Variants in KIRREL3 observed in about 807,000 individuals in gnomAD.
The protein encoded by KIRREL3 is kin of IRRE-like protein 3.
A neutral mutation model predicts 89.7 loss-of-function variants in KIRREL3; 36 were observed. That is an observed-to-expected ratio of 0.40 (90% CI 0.31 to 0.53). The LOEUF is 0.53. KIRREL3 is among the 20% of genes least tolerant of loss of function. The pLI is 0.49. For missense variants in KIRREL3, 864 were observed against 1,056.6 expected (o/e 0.82, Z 2.53); for synonymous variants, 445 against 441.4 (o/e 1.01, Z -0.10).
At chr11:126,935,620 CAATCTG>C (rs1310290337) in intron 1 of KIRREL3, 2 of 152,040 alleles carry the variant, frequency 1.3e-5, no homozygotes, top group African/African-American at 4.8e-5. Context: ...TGAAAGAAGC[CAATCTG>C]AAAAGGCTAC....
rs1045686212 is a variant in KIRREL3, at chr11:126,471,083, C to T, written c.591+2226G>A. ...GTTGAAAAGACAGTTTGCGGCCGGG[C>T]GCAGTGGCTCAGTCCTGTAATCCCA... On this transcript the variant is annotated intron_variant, in intron 5 of 16. Coordinates refer to ENST00000525144, the MANE Select transcript of KIRREL3 (RefSeq NM_032531.4). The surrounding 1 kb of genome is among the most constrained non-coding windows in gnomAD (Gnocchi z 5.4). Among the ~76,000 whole-genome samples, 5 of 152,210 alleles carry T rather than the reference C, an allele frequency of 3.3e-5. No individual in the cohort carries two copies. Among genetic ancestry groups the T allele is most frequent in the Non-Finnish European group, 7.4e-5 (5 of 68,022 alleles).
chr11:126,437,278 C>A (rs1281218885), intron 11 of KIRREL3, among the ~76,000 whole-genome samples: 1 of 152,194 alleles, frequency 6.6e-6, no homozygotes, highest in Non-Finnish European at 1.5e-5. Flanking sequence ...ACACACAACA[C>A]ACAAACACAT....
intron 1 of KIRREL3, among the ~76,000 whole-genome samples, chr11:126,824,205 C>G (rs1282925551): frequency 6.6e-6 from 1 of 152,170 alleles, no homozygotes; most frequent in African/African-American, 2.4e-5. Context: ...CCCCAGGCAT[C>G]CCAGCAGGAG....
rs1423929711 is a variant in KIRREL3, at chr11:126,491,684, GTTTTTCTT to G, written c.434-18226_434-18219del. On this transcript the variant is annotated intron_variant, in intron 4 of 16. Transcript: ENST00000525144. The surrounding 1 kb of genome is among the most constrained non-coding windows in gnomAD (Gnocchi z 5.5). ...GTGCTCCCCACACACAGATTTGGAT[GTTTTTCTT>G]TTTTTCTTTTTTCTTTTTTTTTATA... Among the ~76,000 whole-genome samples, 2 of 152,002 alleles carry G rather than the reference GTTTTTCTT, an allele frequency of 1.3e-5. No homozygotes were observed. Among genetic ancestry groups the G allele is most frequent in the East Asian group, 1.9e-4 (1 of 5,178 alleles).
rs1317412410 is a variant in KIRREL3 at position 126,904,205 on chromosome 11, A to G, written c.55+96250T>C. 6.6e-6 allele frequency among the ~76,000 whole-genome samples: 1 copy of G among 152,184 alleles called. No individual in the cohort carries two copies. Among genetic ancestry groups the G allele is most frequent in the Non-Finnish European group, 1.5e-5 (1 of 68,028 alleles). On this transcript the variant is annotated intron_variant, in intron 1 of 16. Coordinates refer to ENST00000525144, the MANE Select transcript of KIRREL3 (RefSeq NM_032531.4). This position sits in a 1 kb window ranked among gnomAD's most constrained non-coding sequence, Gnocchi z 4.4. ...ACACACAGGTAAAGTTTTCAGGACT[A>G]TTTTTATCATTTGGACACCGAACTT...
At chr11:126,680,415 T>TATATATATATATATAC in intron 1 of KIRREL3, among the ~76,000 whole-genome samples, 2 of 151,596 alleles carry the variant, frequency 1.3e-5, no homozygotes, top group African/African-American at 4.9e-5. Context: ...TATATATATA[T>TATATATATATATATAC]ACACATAGCC....
chr11:126,480,413 A>G (rs923533044), intron 4 of KIRREL3, among the ~76,000 whole-genome samples: 2 of 152,160 alleles, frequency 1.3e-5, no homozygotes, highest in African/African-American at 4.8e-5. Context: ...TTTATTCTCA[A>G]TATCTTTTGA....
chr11:126,509,580 C>T (rs1307080507), intron 4 of KIRREL3, among the ~76,000 whole-genome samples: 1 of 152,208 alleles, frequency 6.6e-6, no homozygotes, highest in African/African-American at 2.4e-5. Context: ...CCATGATGGA[C>T]CCAGATTTTG....
rs1044921189 is a variant in KIRREL3 at position 126,578,669 on chromosome 11, C to T, written c.56-15757G>A. Among the ~76,000 whole-genome samples, 11 of 152,090 alleles carry T rather than the reference C, an allele frequency of 7.2e-5. No homozygotes were observed. The highest frequency in any genetic ancestry group is 1.3e-4 in the Non-Finnish European group (9 of 68,020). On this transcript the variant is annotated intron_variant, in intron 1 of 16. Coordinates refer to ENST00000525144, the MANE Select transcript of KIRREL3 (RefSeq NM_032531.4). The surrounding 1 kb of genome is among the most constrained non-coding windows in gnomAD (Gnocchi z 4.9). Reference sequence around the variant, plus strand: ...GAGGGACTCAGAATCCGCCTCACACCCATGGAGAGTTCTCGCAATGGGTAT... The same window carrying T: ...GAGGGACTCAGAATCCGCCTCACACTCATGGAGAGTTCTCGCAATGGGTAT...
chr11:126,937,707 G>T (rs368276759), intron 1 of KIRREL3, among the ~76,000 whole-genome samples: 1 of 151,852 alleles, frequency 6.6e-6, no homozygotes. Context: ...AGACCATCCT[G>T]GCTAACACAG....
intron 4 of KIRREL3, among the ~76,000 whole-genome samples, chr11:126,514,362 A>C (rs1958334234): frequency 6.6e-6 from 1 of 152,142 alleles, no homozygotes; most frequent in African/African-American, 2.4e-5. Context: ...CAGATAAGGA[A>C]ATCAATTCTG....
In KIRREL3 at chr11:126,495,819, C is replaced by T. The variant is rs75903530; in HGVS notation, c.434-22353G>A. Among the ~76,000 whole-genome samples the T allele has an allele frequency of 4.9e-4, 75 of 152,340 alleles. 1 individual carries two copies. In the East Asian group the frequency reaches 0.014, roughly 29 times the overall value. ...AGGATCAGGACACTGGGACTCTAGTCCTGACACTCAGCAAATGGCAACTGC... is the reference window on the plus strand; with the variant it reads ...AGGATCAGGACACTGGGACTCTAGTTCTGACACTCAGCAAATGGCAACTGC... On this transcript the variant is annotated intron_variant, in intron 4 of 16. Coordinates refer to ENST00000525144, the MANE Select transcript of KIRREL3 (RefSeq NM_032531.4). This position sits in a 1 kb window ranked among gnomAD's most constrained non-coding sequence, Gnocchi z 6.5.
At chr11:126,841,738 C>T (rs781313710) in intron 1 of KIRREL3, among the ~76,000 whole-genome samples, 4 of 152,240 alleles carry the variant, frequency 2.6e-5, no homozygotes, top group Non-Finnish European at 5.9e-5. Flanking sequence ...CCTACAGCGT[C>T]ATCTTCATCA....
At chr11:126,625,872 C>G (rs963605514) in intron 1 of KIRREL3, among the ~76,000 whole-genome samples, 1 of 152,236 alleles carries the variant, frequency 6.6e-6, no homozygotes, top group Non-Finnish European at 1.5e-5. Flanking sequence ...CAGAACACTG[C>G]TTATCCCTTT....
intron 1 of KIRREL3, among the ~76,000 whole-genome samples, chr11:126,966,843 GCA>G (rs1465251743): frequency 3.9e-5 from 6 of 152,180 alleles, no homozygotes; most frequent in Admixed American, 3.3e-4. Context: ...AAAACAATCA[GCA>G]CACTTTCTGA....
chr11:126,709,156 G>A lies in KIRREL3; in HGVS notation c.56-146244C>T, dbSNP rs1947657978. ...GCTTGTTTCATTTAATACCGTCAAC[G>A]ACCATATAAAGTGTGTTTGATTATC... is the stretch of plus-strand genomic sequence containing the variant. On this transcript the variant is annotated intron_variant, in intron 1 of 16. Coordinates refer to ENST00000525144, the MANE Select transcript of KIRREL3 (RefSeq NM_032531.4). This position sits in a 1 kb window ranked among gnomAD's most constrained non-coding sequence, Gnocchi z 4.0. 6.6e-6 allele frequency among the ~76,000 whole-genome samples: 1 copy of A among 152,186 alleles called. No homozygotes were observed. The highest frequency in any genetic ancestry group is 3.2e-3 in the Middle Eastern group (1 of 316).
intron 1 of KIRREL3, among the ~76,000 whole-genome samples, chr11:126,800,997 A>G (rs1951014867): frequency 6.6e-6 from 1 of 152,198 alleles, no homozygotes; most frequent in South Asian, 2.1e-4. Flanking sequence ...ACACTGCTTT[A>G]GCAGCTGATA....
chr11:126,548,237 G>T (rs1938972201), intron 2 of KIRREL3, among the ~76,000 whole-genome samples: 1 of 152,126 alleles, frequency 6.6e-6, no homozygotes, highest in African/African-American at 2.4e-5. Flanking sequence ...GAAGTTCTCT[G>T]CAGGCTGCTG....
rs2134673379 is a variant in KIRREL3 at position 126,872,383 on chromosome 11, G to A, written c.55+128072C>T. 6.6e-6 allele frequency among the ~76,000 whole-genome samples: 1 copy of A among 152,288 alleles called. No individual in the cohort carries two copies. The highest frequency in any genetic ancestry group is 2.4e-5 in the African/African-American group (1 of 41,558). On this transcript the variant is annotated intron_variant, in intron 1 of 16. Transcript: ENST00000525144. This position sits in a 1 kb window ranked among gnomAD's most constrained non-coding sequence, Gnocchi z 4.2. The stretch of plus-strand genomic sequence containing the variant: ...CAGCAGCCCATATGCTGCTATTCTG[G>A]GCATGGGCACGGGGCTTATGGGGTA...
Sources: allele counts gnomAD v4.1 joint callset (sites outside exome capture counted in the v4.1 genomes callset), GRCh38; gene constraint gnomAD v4.1.1; non-coding constraint Gnocchi (gnomAD v3.1); transcripts MANE v1.5; gene names NCBI Gene and HGNC (gene_info 2026-07-23, HGNC 2026-07-21).